Variants in NTM observed in about 807,000 individuals in gnomAD.
The protein encoded by NTM is neurotrimin.
A neutral mutation model predicts 42.1 loss-of-function variants in NTM; 13 were observed. The observed-to-expected ratio is 0.31, with a 90% confidence interval of 0.20 to 0.49. NTM has a LOEUF of 0.49. NTM is among the 20% of genes least tolerant of loss of function. The pLI, the probability that NTM is intolerant of heterozygous loss-of-function variation, is 0.99. For synonymous variants in NTM, 187 were observed against 179.2 expected (o/e 1.04, Z -0.35); for missense variants, 373 against 452.8 (o/e 0.82, Z 1.60).
At chr11:132,256,729 T>A (rs2092506234) in intron 4 of NTM, among the ~76,000 whole-genome samples, 1 of 151,802 alleles carries the variant, frequency 6.6e-6, no homozygotes, top group South Asian at 2.1e-4. Context: ...CATGAGTGCA[T>A]CTGTTTGTTC....
chr11:132,081,294 C>A lies in NTM; in HGVS notation c.168-64988C>A, dbSNP rs950212530. On this transcript the variant is annotated intron_variant, in intron 2 of 8. Transcript: ENST00000683400. ...ATGTATACATATTACACTACAGAAA[C>A]AATAACCCAATACTACTTCATTTTC... Among the ~76,000 whole-genome samples, 10 of 152,210 alleles carry A rather than the reference C, an allele frequency of 6.6e-5. No homozygotes were observed. The South Asian group carries it at 8.3e-4, about 13-fold the overall frequency.
At position 131,761,895 on chromosome 11, in the gene NTM, C is replaced by T. The variant is rs1254331216; in HGVS notation, c.83-149669C>T. Reference sequence around the variant, plus strand: ...AGAGGAGGAAGAGCGCGCATGCTCTCTCTGTCTCCTCTCTCTGTCTCTCTC... The same window carrying T: ...AGAGGAGGAAGAGCGCGCATGCTCTTTCTGTCTCCTCTCTCTGTCTCTCTC... On this transcript the variant is annotated intron_variant, in intron 1 of 8. Coordinates refer to ENST00000683400, the MANE Select transcript of NTM (RefSeq NM_001352005.2). Among the ~76,000 whole-genome samples the T allele has an allele frequency of 7.3e-5, 11 of 149,842 alleles. 1 individual carries two copies. The East Asian group carries it at 2.2e-3, about 30-fold the overall frequency.
intron 3 of NTM, among the ~76,000 whole-genome samples, chr11:132,205,875 T>C (rs2081916171): frequency 6.6e-6 from 1 of 152,150 alleles, no homozygotes. Context: ...CATCTCACCA[T>C]CAGCAAGTCT....
At chr11:132,014,128 G>C (rs1334515073) in intron 2 of NTM, among the ~76,000 whole-genome samples, 1 of 151,968 alleles carries the variant, frequency 6.6e-6, no homozygotes, top group Non-Finnish European at 1.5e-5. Context: ...TCCCACATAT[G>C]TGTGAGAACC....
intron 7 of NTM, among the ~76,000 whole-genome samples, chr11:132,321,727 C>G (rs1345551301): frequency 6.6e-6 from 1 of 150,698 alleles, no homozygotes; most frequent in Non-Finnish European, 1.5e-5. Flanking sequence ...ACATAATTGT[C>G]AGATTCACCA....
At chr11:131,601,504 C>G (rs955379097) in intron 1 of NTM, among the ~76,000 whole-genome samples, 2 of 152,046 alleles carry the variant, frequency 1.3e-5, no homozygotes, top group Non-Finnish European at 2.9e-5. Context: ...AATGAAATCT[C>G]ATTTGGACGC....
chr11:131,840,839 T>C (rs1227452192), intron 1 of NTM, among the ~76,000 whole-genome samples: 4 of 152,158 alleles, frequency 2.6e-5, no homozygotes, highest in Non-Finnish European at 5.9e-5. Context: ...CAGTTTTATT[T>C]TTCTCAGTGA....
intron 1 of NTM, among the ~76,000 whole-genome samples, chr11:131,394,940 G>T (rs114990113): frequency 0.018 from 2,692 of 152,294 alleles, 76 homozygotes; most frequent in African/African-American, 0.061. Flanking sequence ...TTGCCCTCAT[G>T]GTGCTTGCAG....
At chr11:131,691,223 C>T (rs1000558763) in intron 1 of NTM, among the ~76,000 whole-genome samples, 1 of 152,192 alleles carries the variant, frequency 6.6e-6, no homozygotes, top group Non-Finnish European at 1.5e-5. Context: ...AGTGCCAGGG[C>T]GGTTCCTTCA....
chr11:131,713,944 C>T (rs893661176), intron 1 of NTM, among the ~76,000 whole-genome samples: 11 of 152,196 alleles, frequency 7.2e-5, no homozygotes, highest in Admixed American at 3.3e-4. Context: ...GACTTTGTTA[C>T]GTTGGCATTC....
chr11:131,396,995 C>T (rs947183526), intron 1 of NTM, among the ~76,000 whole-genome samples: 3 of 152,024 alleles, frequency 2.0e-5, no homozygotes, highest in Admixed American at 2.0e-4. Flanking sequence ...GATTTTATTG[C>T]TTTCCTGTGA....
intron 1 of NTM, among the ~76,000 whole-genome samples, chr11:131,650,130 T>C (rs375614527): frequency 7.2e-5 from 11 of 152,202 alleles, no homozygotes; most frequent in African/African-American, 2.7e-4. Context: ...AGACTATTCA[T>C]GGTATAGCAG....
intron 1 of NTM, among the ~76,000 whole-genome samples, chr11:131,695,682 A>G (rs867933): frequency 0.11 from 16,217 of 152,138 alleles, 2,835 homozygotes; most frequent in African/African-American, 0.36. Context: ...CACCTTGAGA[A>G]CTAGGGGATG....
intron 2 of NTM, among the ~76,000 whole-genome samples, chr11:132,071,011 A>G (rs78307037): frequency 0.012 from 1,541 of 125,040 alleles, 80 homozygotes; most frequent in African/African-American, 0.04. Flanking sequence ...CACACTGACC[A>G]TCACAGGTTG....
intron 3 of NTM, among the ~76,000 whole-genome samples, chr11:132,211,420 A>G (rs1328518328): frequency 2.0e-5 from 3 of 152,108 alleles, no homozygotes; most frequent in Non-Finnish European, 2.9e-5. Context: ...TGAAAACGAG[A>G]ATGGCTGGGA....
chr11:132,137,434 C>T (rs2068159658), intron 2 of NTM, among the ~76,000 whole-genome samples: 1 of 152,200 alleles, frequency 6.6e-6, no homozygotes. Flanking sequence ...TTGCAGAGTT[C>T]TTCATTTTGG....
At chr11:131,574,776 C>G (rs2057774441) in intron 1 of NTM, among the ~76,000 whole-genome samples, 2 of 152,096 alleles carry the variant, frequency 1.3e-5, no homozygotes, top group South Asian at 4.1e-4. Context: ...AGTCACTTGT[C>G]TCCCCAGGCT....
chr11:132,251,777 G>T (rs548034709), intron 4 of NTM, among the ~76,000 whole-genome samples: 6 of 152,170 alleles, frequency 3.9e-5, no homozygotes, highest in Non-Finnish European at 8.8e-5. Flanking sequence ...TGAATGTGCC[G>T]TTTGGAATTT....
intron 1 of NTM, among the ~76,000 whole-genome samples, chr11:131,437,167 G>A (rs948457327): frequency 1.3e-5 from 2 of 152,144 alleles, no homozygotes; most frequent in Admixed American, 1.3e-4. Flanking sequence ...TGTGATTTCT[G>A]TTCTTTCACA....
Sources: gnomAD v4.1 joint callset for allele counts (sites outside exome capture counted in the v4.1 genomes callset) on GRCh38, gnomAD v4.1.1 for gene constraint, MANE v1.5 for transcripts, NCBI Gene and HGNC (gene_info 2026-07-23, HGNC 2026-07-21) for gene names.